BICD1: variants seen among roughly 807,000 people sequenced by gnomAD.
BICD1 encodes BICD cargo adaptor 1.
In BICD1, 35 loss-of-function variants were observed where a neutral mutation model predicts 92.5. That is an observed-to-expected ratio of 0.38 (90% confidence interval 0.29 to 0.50). The LOEUF is 0.50. BICD1 is among the 20% of genes least tolerant of loss of function. BICD1 has a pLI of 0.93. For synonymous variants in BICD1, 429 were observed against 465.1 expected, an observed-to-expected ratio of 0.92 and a Z score of 1.00; for missense variants, 950 against 1,189.8, an observed-to-expected ratio of 0.80 and a Z score of 2.97.
At chr12:32,146,533 T>C (rs1943107885) in intron 1 of BICD1, among the ~76,000 whole-genome samples, 1 of 152,232 alleles carries the variant, frequency 6.6e-6, no homozygotes, top group Non-Finnish European at 1.5e-5. Context: ...GCTGTGCTTA[T>C]GCATTTTGTC....
intron 1 of BICD1, among the ~76,000 whole-genome samples, chr12:32,210,285 A>C (rs150864389): frequency 6.6e-6 from 1 of 152,184 alleles, no homozygotes; most frequent in Non-Finnish European, 1.5e-5. Flanking sequence ...TATTTTGTCT[A>C]ATGTCCCTGG....
chr12:32,219,653 A>G (rs975952089), intron 2 of BICD1, among the ~76,000 whole-genome samples: 15 of 152,132 alleles, frequency 9.9e-5, no homozygotes, highest in African/African-American at 3.4e-4. Flanking sequence ...TTCTCTTGTG[A>G]TATGAATCAG....
chr12:32,139,477 T>C (rs1253518999), intron 1 of BICD1, among the ~76,000 whole-genome samples: 1 of 152,220 alleles, frequency 6.6e-6, no homozygotes, highest in Non-Finnish European at 1.5e-5. Context: ...TCCTTATCCC[T>C]TACACGTCGC....
At chr12:32,161,623 T>C (rs1458723680) in intron 1 of BICD1, among the ~76,000 whole-genome samples, 4 of 152,350 alleles carry the variant, frequency 2.6e-5, no homozygotes, top group East Asian at 1.9e-4. Flanking sequence ...TGGTATCCAC[T>C]GCCCAGGGAA....
chr12:32,159,410 G>GCATAGT (rs1466097969), intron 1 of BICD1, among the ~76,000 whole-genome samples: 1 of 152,112 alleles, frequency 6.6e-6, no homozygotes, highest in African/African-American at 2.4e-5. Context: ...ACTATAAAAA[G>GCATAGT]CATAGTTGTC....
chr12:32,178,001 T>C (rs537585882), intron 1 of BICD1, among the ~76,000 whole-genome samples: 1 of 151,324 alleles, frequency 6.6e-6, no homozygotes, highest in Non-Finnish European at 1.5e-5. Context: ...TGTGCTAATA[T>C]GATTGTGATT....
chr12:32,137,074 T>TTTGTTG (rs977808498), intron 1 of BICD1, among the ~76,000 whole-genome samples: 3 of 152,110 alleles, frequency 2.0e-5, no homozygotes, highest in African/African-American at 7.2e-5. Flanking sequence ...GTTAGGTTTT[T>TTTGTTG]TTGTTGTTGT....
intron 5 of BICD1, among the ~76,000 whole-genome samples, chr12:32,332,018 G>A (rs1363217193): frequency 2.6e-5 from 4 of 152,088 alleles, no homozygotes; most frequent in Non-Finnish European, 5.9e-5. Context: ...TTTAAAATAG[G>A]CATTCTACTA....
rs1940022282 is a variant in BICD1, at chr12:32,377,562, G to A, written c.2863G>A (p.Glu955Lys). 6.2e-7 allele frequency: 1 copy of A among 1,613,924 alleles called. No individual in the cohort carries two copies. The highest frequency in any genetic ancestry group is 8.5e-7 in the Non-Finnish European group (1 of 1,180,008). The change falls in exon 10 of 10, where the codon GAG (glutamate) becomes AAG (lysine). Residue 955 changes from glutamate (E) to lysine (K), a missense_variant. Around this residue, in one of 5 missense-constraint regions of BICD1, gnomAD observed 179 missense variants for 186.7 expected, o/e 0.96. Transcript: ENST00000652176. Reference sequence around the variant, plus strand: ...CAGTCCTGACACAGCTCTCCCTGAGGAGCAGCCACATTCCAGCTCCCAGTG... The same window carrying A: ...CAGTCCTGACACAGCTCTCCCTGAGAAGCAGCCACATTCCAGCTCCCAGTG... ...TVSPDTALPE[E>K]QPHSSSQCAP...
At chr12:32,197,133 G>A (rs538630965) in intron 1 of BICD1, among the ~76,000 whole-genome samples, 4 of 151,634 alleles carry the variant, frequency 2.6e-5, no homozygotes, top group East Asian at 1.9e-4. Context: ...CTCAGCCTCC[G>A]GAGTAGCTGG....
At chr12:32,304,094 A>T (rs1948143652) in intron 3 of BICD1, among the ~76,000 whole-genome samples, 1 of 151,928 alleles carries the variant, frequency 6.6e-6, no homozygotes, top group Non-Finnish European at 1.5e-5. Context: ...AAATAGAAAA[A>T]GTTCCATCTT....
chr12:32,228,388 G>A lies in BICD1; in HGVS notation c.426+11929G>A, dbSNP rs1051924559. On this transcript the variant is annotated intron_variant, in intron 2 of 9. Coordinates refer to ENST00000652176, the MANE Select transcript of BICD1 (RefSeq NM_001714.4). ...TCTGTATTCTGCTCTATTGATCTGT[G>A]TGTCTATCCTTTCACCAATACACAC... Among the ~76,000 whole-genome samples the A allele has an allele frequency of 2.6e-5, 4 of 152,144 alleles. 1 individual carries two copies. Among genetic ancestry groups the A allele is most frequent in the Admixed American group, 1.3e-4 (2 of 15,272 alleles).
chr12:32,108,614 A>T (rs1305176196), intron 1 of BICD1: 1 of 679,544 alleles, frequency 1.5e-6, no homozygotes, highest in African/African-American at 1.8e-5. Flanking sequence ...TATAATATCA[A>T]AAATCTATTA....
chr12:32,377,638 C>T lies in BICD1; in HGVS notation c.*11C>T. The T allele has an allele frequency of 1.2e-6, 2 of 1,605,968 alleles. No homozygotes were observed. Among genetic ancestry groups the T allele is most frequent in the East Asian group, 2.2e-5 (1 of 44,824 alleles). ...CCTCCTCACCCCTAGTCTTCATCTC[C>T]TGTGGACGAACATCTGGGGTGGAAG... On this transcript the variant is annotated 3_prime_UTR_variant, in exon 10 of 10. Transcript: ENST00000652176.
chr12:32,307,460 T>C (rs1948259814), intron 4 of BICD1, among the ~76,000 whole-genome samples: 1 of 152,196 alleles, frequency 6.6e-6, no homozygotes, highest in Admixed American at 6.5e-5. Context: ...GGCTTATTTA[T>C]ACAAATTGTG....
chr12:32,335,352 C>A (rs866932106), intron 6 of BICD1, among the ~76,000 whole-genome samples: 19 of 151,544 alleles, frequency 1.3e-4, no homozygotes, highest in Admixed American at 8.6e-4. Flanking sequence ...GGGTTTCACC[C>A]TGTTAGCCAG....
intron 8 of BICD1, among the ~76,000 whole-genome samples, chr12:32,351,050 C>A (rs1349406236): frequency 1.3e-5 from 2 of 151,870 alleles, no homozygotes; most frequent in Non-Finnish European, 2.9e-5. Flanking sequence ...TATGCCCAGT[C>A]CACAGATGAG....
intron 1 of BICD1, among the ~76,000 whole-genome samples, chr12:32,201,075 T>C (rs912966587): frequency 2.6e-5 from 4 of 152,222 alleles, no homozygotes; most frequent in African/African-American, 9.6e-5. Flanking sequence ...CCCTCATTAC[T>C]TCCATCTTGG....
intron 2 of BICD1, among the ~76,000 whole-genome samples, chr12:32,284,893 T>C (rs1448915972): frequency 1.3e-5 from 2 of 152,184 alleles, no homozygotes; most frequent in Non-Finnish European, 2.9e-5. Flanking sequence ...ACTAGACTAA[T>C]TTAACATTTT....
Sources: gnomAD v4.1 joint callset for allele counts (sites outside exome capture counted in the v4.1 genomes callset) on GRCh38, gnomAD v4.1.1 for gene constraint, gnomAD v4.1.1 regional missense constraint, MANE v1.5 for transcripts, NCBI Gene and HGNC (gene_info 2026-07-23, HGNC 2026-07-21) for gene names.